The following RPSA2 variants were observed in gnomAD, a reference collection of about 807,000 sequenced individuals.
RPSA2 encodes the protein small ribosomal subunit protein uS2B.
chr19:23,831,138 CT>C, the RPSA2 span, among the ~76,000 whole-genome samples: 557 of 152,156 alleles, frequency 3.7e-3, 10 homozygotes, highest in Non-Finnish European at 2.0e-3. Context: ...GACTCAAACT[CT>C]CATTTCAAAA....
chr19:23,849,548 G>A, the RPSA2 span, among the ~76,000 whole-genome samples: 2 of 152,114 alleles, frequency 1.3e-5, no homozygotes, highest in East Asian at 1.9e-4. Flanking sequence ...CAAAGTTCTG[G>A]GTGTTCTGGG....
At chr19:23,767,730 T>G in the RPSA2 span, among the ~76,000 whole-genome samples, 2 of 151,338 alleles carry the variant, frequency 1.3e-5, no homozygotes, top group Non-Finnish European at 2.9e-5. Flanking sequence ...TTTGTCACCT[T>G]GGAAAGATTT....
the RPSA2 span, among the ~76,000 whole-genome samples, chr19:23,870,889 A>C: frequency 6.6e-6 from 1 of 152,230 alleles, no homozygotes; most frequent in Non-Finnish European, 1.5e-5. Flanking sequence ...TCATGAATGC[A>C]GAATGTGGGC....
chr19:23,776,954 A>C, the RPSA2 span, among the ~76,000 whole-genome samples: 1 of 152,140 alleles, frequency 6.6e-6, no homozygotes, highest in Non-Finnish European at 1.5e-5. Flanking sequence ...TGGGCCCAGC[A>C]CCTAGGTGAT....
At chr19:23,769,976 A>G in the RPSA2 span, among the ~76,000 whole-genome samples, 2 of 152,132 alleles carry the variant, frequency 1.3e-5, no homozygotes, top group Admixed American at 6.5e-5. Context: ...AAGTATTATT[A>G]CATATCACTG....
chr19:23,801,049 G>C, the RPSA2 span, among the ~76,000 whole-genome samples: 2 of 152,174 alleles, frequency 1.3e-5, no homozygotes, highest in Non-Finnish European at 2.9e-5. Context: ...GCATTGAGTA[G>C]ACATGGAGAC....
At chr19:23,821,408 T>A in the RPSA2 span, among the ~76,000 whole-genome samples, 1 of 152,198 alleles carries the variant, frequency 6.6e-6, no homozygotes, top group Non-Finnish European at 1.5e-5. Context: ...TAGTTAGACC[T>A]GGCAGTCCTA....
At chr19:23,805,907 G>C in the RPSA2 span, among the ~76,000 whole-genome samples, 1 of 152,254 alleles carries the variant, frequency 6.6e-6, no homozygotes. Context: ...CTTATATGCC[G>C]TGCAGAATTC....
At chr19:23,819,818 G>C in the RPSA2 span, among the ~76,000 whole-genome samples, 3 of 152,250 alleles carry the variant, frequency 2.0e-5, no homozygotes, top group Non-Finnish European at 2.9e-5. Flanking sequence ...TTTAGTAGCT[G>C]TTTGAGTGTC....
chr19:23,761,042 G>GAA, the RPSA2 span, among the ~76,000 whole-genome samples: 24,698 of 148,724 alleles, frequency 0.17, 2,901 homozygotes, highest in East Asian at 0.51. Context: ...TATATATAGG[G>GAA]TATATATGTG....
At chr19:23,761,921 T>TTTCTTTC in the RPSA2 span, among the ~76,000 whole-genome samples, 34 of 76,198 alleles carry the variant, frequency 4.5e-4, 3 homozygotes, top group African/African-American at 1.5e-3. Context: ...TCTTTCTTTC[T>TTTCTTTC]TTTTTTTTTT....
the RPSA2 span, among the ~76,000 whole-genome samples, chr19:23,840,878 CTT>C: frequency 6.7e-6 from 1 of 149,100 alleles, no homozygotes; most frequent in South Asian, 2.1e-4. Flanking sequence ...AGGAGAATCT[CTT>C]GAACACAGGA....
chr19:23,780,180 T>C, the RPSA2 span, among the ~76,000 whole-genome samples: 1 of 152,146 alleles, frequency 6.6e-6, no homozygotes, highest in African/African-American at 2.4e-5. Context: ...CTCTCTCGTA[T>C]ATTGTATAAA....
the RPSA2 span, among the ~76,000 whole-genome samples, chr19:23,766,284 C>G: frequency 6.6e-6 from 1 of 150,718 alleles, no homozygotes; most frequent in South Asian, 2.1e-4. Flanking sequence ...TCCCGAGTAG[C>G]TGGGATTATA....
At chr19:23,764,556 T>TGAAGCCTCTGCCTCCCA in the RPSA2 span, among the ~76,000 whole-genome samples, 1 of 152,182 alleles carries the variant, frequency 6.6e-6, no homozygotes, top group Non-Finnish European at 1.5e-5. Context: ...CTCAGCTCAC[T>TGAAGCCTCTGCCTCCCA]GAAGCCTCTG....
the RPSA2 span, among the ~76,000 whole-genome samples, chr19:23,863,511 C>G: frequency 7.0e-6 from 1 of 142,030 alleles, no homozygotes; most frequent in Non-Finnish European, 1.5e-5. Context: ...TTGCAGTGAG[C>G]TAAGATCACA....
chr19:23,783,076 A>G, the RPSA2 span, among the ~76,000 whole-genome samples: 2 of 107,630 alleles, frequency 1.9e-5, no homozygotes, highest in Middle Eastern at 5.2e-3. Flanking sequence ...ATCTGCATGC[A>G]TCATGTATTT....
At chr19:23,856,921 G>A in the RPSA2 span, among the ~76,000 whole-genome samples, 1 of 152,136 alleles carries the variant, frequency 6.6e-6, no homozygotes, top group Non-Finnish European at 1.5e-5. Flanking sequence ...TGCACGTATT[G>A]TCTTGTTAAA....
chr19:23,784,095 T>G, the RPSA2 span, among the ~76,000 whole-genome samples: 2 of 152,220 alleles, frequency 1.3e-5, no homozygotes, highest in African/African-American at 4.8e-5. Context: ...CACACAGATG[T>G]AATGATGACT....
Sources: allele counts gnomAD v4.1 joint callset (sites outside exome capture counted in the v4.1 genomes callset), GRCh38; gene constraint gnomAD v4.1.1; transcripts MANE v1.5; gene names NCBI Gene and HGNC (gene_info 2026-07-23, HGNC 2026-07-21).